CSMD1: variants seen among roughly 807,000 people sequenced by gnomAD.
CSMD1 encodes CUB and sushi domain-containing protein 1.
In CSMD1, 213 loss-of-function variants were observed where a neutral mutation model predicts 417.5. The ratio of observed to expected loss-of-function variants is 0.51; its 90% CI spans 0.46 to 0.57. The LOEUF is 0.57. CSMD1 is among the 20% of genes least tolerant of loss of function. The probability of loss-of-function intolerance (pLI) is 0.00; values close to 1 mark genes in which losing one functional copy is unlikely to be tolerated. For missense variants in CSMD1, 6,923 were observed against 4,529.7 expected (o/e 1.53, Z -15.17); for synonymous variants, 2,862 against 1,736.8 (o/e 1.65, Z -16.11).
At chr8:4,720,421 T>A (rs1673271) in intron 1 of CSMD1, among the ~76,000 whole-genome samples, 137,406 of 152,124 alleles carry the variant, frequency 0.9, 62,210 homozygotes, top group East Asian at 0.98. Flanking sequence ...ATTTGAATAA[T>A]TTTTTTTGTT....
chr8:3,973,471 G>C (rs1186471370), intron 5 of CSMD1, among the ~76,000 whole-genome samples: 1 of 152,140 alleles, frequency 6.6e-6, no homozygotes, highest in Non-Finnish European at 1.5e-5. Context: ...TATTTCTGAA[G>C]TTGTTTATTT....
chr8:4,741,628 C>G (rs1285603142), intron 1 of CSMD1, among the ~76,000 whole-genome samples: 1 of 152,258 alleles, frequency 6.6e-6, no homozygotes, highest in South Asian at 2.1e-4. Flanking sequence ...AGTAGGATGA[C>G]AAGAACACAC....
At chr8:4,780,035 A>T (rs1797073280) in intron 1 of CSMD1, among the ~76,000 whole-genome samples, 1 of 152,128 alleles carries the variant, frequency 6.6e-6, no homozygotes, top group African/African-American at 2.4e-5. Flanking sequence ...GCAACAAGCC[A>T]TTCAATTCTG....
chr8:2,971,004 A>G (rs1804410675), intron 57 of CSMD1, among the ~76,000 whole-genome samples: 1 of 152,126 alleles, frequency 6.6e-6, no homozygotes, highest in Non-Finnish European at 1.5e-5. Context: ...CTCTCTAAAT[A>G]TGTATTTTCT....
chr8:4,549,385 C>T (rs1380924990), intron 2 of CSMD1, among the ~76,000 whole-genome samples: 1 of 152,124 alleles, frequency 6.6e-6, no homozygotes, highest in Non-Finnish European at 1.5e-5. Flanking sequence ...TTAACCTAAA[C>T]AAAACACAGT....
intron 28 of CSMD1, among the ~76,000 whole-genome samples, chr8:3,222,314 C>A (rs1388263566): frequency 4.2e-5 from 6 of 143,592 alleles, no homozygotes; most frequent in African/African-American, 1.6e-4. Context: ...GTTTTGTGTT[C>A]AATTTCATTT....
chr8:3,538,454 G>A (rs1207418362), intron 10 of CSMD1, among the ~76,000 whole-genome samples: 1 of 152,080 alleles, frequency 6.6e-6, no homozygotes, highest in Non-Finnish European at 1.5e-5. Context: ...TGATGCACCT[G>A]AGATGCCTCA....
chr8:4,424,965 G>A (rs965134210), intron 2 of CSMD1, among the ~76,000 whole-genome samples: 4 of 151,900 alleles, frequency 2.6e-5, no homozygotes, highest in Non-Finnish European at 4.4e-5. Context: ...AACATATTAA[G>A]ATTAAAATAA....
chr8:3,985,635 C>A (rs191987065), intron 5 of CSMD1, among the ~76,000 whole-genome samples: 1 of 152,116 alleles, frequency 6.6e-6, no homozygotes. Flanking sequence ...ACGGCAGAAC[C>A]GTTGCACTCA....
chr8:3,313,700 A>G (rs550610734), intron 23 of CSMD1, among the ~76,000 whole-genome samples: 2 of 152,354 alleles, frequency 1.3e-5, no homozygotes, highest in African/African-American at 4.8e-5. Context: ...ACCATTGTGG[A>G]AGTCAGTGTG....
intron 5 of CSMD1, among the ~76,000 whole-genome samples, chr8:3,882,671 C>A (rs1031540921): frequency 6.6e-6 from 1 of 151,920 alleles, no homozygotes; most frequent in African/African-American, 2.4e-5. Context: ...GGTATGTTCA[C>A]AAAACAAAAT....
intron 2 of CSMD1, among the ~76,000 whole-genome samples, chr8:4,509,405 C>T (rs190585528): frequency 6.6e-6 from 1 of 152,274 alleles, no homozygotes; most frequent in East Asian, 1.9e-4. Flanking sequence ...AAAGGGGAAT[C>T]AGATGTATTG....
At chr8:3,532,716 A>T (rs1798033276) in intron 10 of CSMD1, among the ~76,000 whole-genome samples, 1 of 152,220 alleles carries the variant, frequency 6.6e-6, no homozygotes, top group Admixed American at 6.5e-5. Context: ...TTTGCTTAAA[A>T]TAACACTTTC....
chr8:4,208,009 T>G (rs1177328682), intron 3 of CSMD1, among the ~76,000 whole-genome samples: 1 of 152,128 alleles, frequency 6.6e-6, no homozygotes, highest in Non-Finnish European at 1.5e-5. Flanking sequence ...GTTTAAAACC[T>G]AAAAGTCCAA....
intron 26 of CSMD1, among the ~76,000 whole-genome samples, chr8:3,279,926 A>C (rs1802601140): frequency 6.6e-6 from 1 of 152,208 alleles, no homozygotes. Flanking sequence ...TGAGCATTAC[A>C]ATTCAAGGTG....
At position 3,753,990 on chromosome 8, in the gene CSMD1, G is replaced by C; in HGVS notation, c.871C>G (p.Arg291Gly). 3 of 1,612,868 alleles carry C rather than the reference G, an allele frequency of 1.9e-6. No homozygotes were observed. Among genetic ancestry groups the C allele is most frequent in the Non-Finnish European group, 1.7e-6 (2 of 1,179,380 alleles). The change falls in exon 6 of 70, where the codon CGA becomes GGA. Residue 291 changes from arginine (R) to glycine (G), a missense_variant. Arg to Gly is a moderately radical substitution (Grantham distance 125). Transcript: ENST00000635120. ...TTGCTGTCAGAGGTGAAATGGAGTC[G>C]TAGCCAATTCTTGCTACTGATAACT... The part of the protein sequence containing the change: ...SPVISSKNWL[R>G]LHFTSDSNHR...
In CSMD1 at chr8:4,021,177, G is replaced by C. The variant is rs75666572; in HGVS notation, c.610+10728C>G. Among the ~76,000 whole-genome samples, 270 of 152,298 alleles carry C rather than the reference G, an allele frequency of 1.8e-3. 1 individual carries two copies. Among genetic ancestry groups the C allele is most frequent in the African/African-American group, 6.3e-3 (262 of 41,574 alleles). Reference sequence around the variant, plus strand: ...TGAGCACGTGAAATGTGGCTAGTCAGCATTGCAAAATGGCATAACTGAAAT... The same window carrying C: ...TGAGCACGTGAAATGTGGCTAGTCACCATTGCAAAATGGCATAACTGAAAT... On this transcript the variant is annotated intron_variant, in intron 4 of 69. Transcript: ENST00000635120.
chr8:3,447,058 AAC>A (rs1278229763), intron 12 of CSMD1, among the ~76,000 whole-genome samples: 28 of 152,348 alleles, frequency 1.8e-4, no homozygotes, highest in African/African-American at 6.7e-4. Flanking sequence ...ATAAAATTAA[AAC>A]ACAGCGTAAC....
At chr8:3,115,728 A>G (rs1006014118) in intron 42 of CSMD1, among the ~76,000 whole-genome samples, 1 of 152,238 alleles carries the variant, frequency 6.6e-6, no homozygotes, top group African/African-American at 2.4e-5. Flanking sequence ...TTTTCAGTAT[A>G]TAAATACAAA....
Sources: allele counts gnomAD v4.1 joint callset (sites outside exome capture counted in the v4.1 genomes callset), GRCh38; gene constraint gnomAD v4.1.1; transcripts MANE v1.5; gene names NCBI Gene and HGNC (gene_info 2026-07-23, HGNC 2026-07-21).